Variants in CUX2 observed in about 807,000 individuals in gnomAD.
The protein encoded by CUX2 is cut like homeobox 2.
In CUX2, 40 loss-of-function variants were observed where a neutral mutation model predicts 144.8. The observed-to-expected ratio is 0.28, with a 90% confidence interval of 0.21 to 0.36. The LOEUF is 0.36. CUX2 is among the 10% of genes least tolerant of loss of function. CUX2 has a pLI of 1.00. For missense variants in CUX2, 1,615 were observed against 1,994.0 expected, an observed-to-expected ratio of 0.81 and a Z score of 3.62; for synonymous variants, 827 against 875.6, an observed-to-expected ratio of 0.94 and a Z score of 0.98.
At chr12:111,226,125 G>A (rs944943302) in intron 3 of CUX2, among the ~76,000 whole-genome samples, 1 of 152,208 alleles carries the variant, frequency 6.6e-6, no homozygotes, top group African/African-American at 2.4e-5. Flanking sequence ...TGTATTTTTT[G>A]TAGAGACTTG....
intron 19 of CUX2, among the ~76,000 whole-genome samples, chr12:111,337,701 T>C (rs1401332929): frequency 1.3e-5 from 2 of 152,206 alleles, no homozygotes; most frequent in African/African-American, 4.8e-5. Context: ...TGGCAGACAA[T>C]TTCAGGGATC....
intron 1 of CUX2, among the ~76,000 whole-genome samples, chr12:111,187,503 C>T (rs1879620956): frequency 6.6e-6 from 1 of 152,146 alleles, no homozygotes; most frequent in Non-Finnish European, 1.5e-5. Context: ...TGAGTGTCCT[C>T]CCTCCCCATG....
chr12:111,342,800 C>T (rs903687481), intron 21 of CUX2, among the ~76,000 whole-genome samples: 2 of 151,654 alleles, frequency 1.3e-5, no homozygotes, highest in Non-Finnish European at 2.9e-5. Flanking sequence ...TTCTTTGAAA[C>T]ATACAAAAAT....
chr12:111,193,691 C>T (rs990009239), intron 1 of CUX2, among the ~76,000 whole-genome samples: 5 of 152,158 alleles, frequency 3.3e-5, no homozygotes, highest in Admixed American at 6.5e-5. Flanking sequence ...GTGGGGGCTG[C>T]GGGGGCTGCC....
Position 111,322,705 on chromosome 12 carries a change from C to G in CUX2, c.2926+125C>G, listed in dbSNP as rs1887596789. The stretch of plus-strand genomic sequence containing the variant: ...CCTCCCTGCTGCCCTGGCTTTCATC[C>G]CAGTCACTGTCATGGCTGCACTGGA... On this transcript the variant is annotated intron_variant, in intron 18 of 21. Coordinates refer to ENST00000261726, the MANE Select transcript of CUX2 (RefSeq NM_015267.4). This position sits in a 1 kb window ranked among gnomAD's most constrained non-coding sequence, Gnocchi z 4.2. The G allele has an allele frequency of 8.0e-7, 1 of 1,247,382 alleles. No homozygotes were observed. The highest frequency in any genetic ancestry group is 2.5e-5 in the East Asian group (1 of 39,346). The allele number at this position is 1,247,382 out of a possible 1,614,324, so 77.3% of individuals were successfully genotyped here.
At chr12:111,050,885 T>G (rs1870231243) in intron 1 of CUX2, among the ~76,000 whole-genome samples, 1 of 152,202 alleles carries the variant, frequency 6.6e-6, no homozygotes, top group Non-Finnish European at 1.5e-5. Context: ...AGAGGTTGGT[T>G]AATGGGTACA....
chr12:111,229,549 C>T (rs897250971), intron 3 of CUX2, among the ~76,000 whole-genome samples: 3 of 152,150 alleles, frequency 2.0e-5, no homozygotes, highest in African/African-American at 7.2e-5. Context: ...GTTCTTGTAA[C>T]ATCCACCTTG....
intron 1 of CUX2, among the ~76,000 whole-genome samples, chr12:111,177,312 G>C (rs1297909911): frequency 6.6e-6 from 1 of 152,038 alleles, no homozygotes; most frequent in Non-Finnish European, 1.5e-5. Context: ...TTTCCCCCCT[G>C]CAGCCATCTC....
intron 1 of CUX2, among the ~76,000 whole-genome samples, chr12:111,136,243 C>T (rs916325126): frequency 4.6e-5 from 7 of 151,884 alleles, no homozygotes; most frequent in African/African-American, 2.4e-5. Flanking sequence ...ACGCGATTCT[C>T]GGTAGAATTT....
chr12:111,344,255 A>C (rs893591109), intron 21 of CUX2, among the ~76,000 whole-genome samples: 1 of 152,104 alleles, frequency 6.6e-6, no homozygotes, highest in Non-Finnish European at 1.5e-5. Context: ...AAACATTTCT[A>C]ATGTATGCAT....
intron 3 of CUX2, among the ~76,000 whole-genome samples, chr12:111,220,245 C>A (rs536545207): frequency 6.6e-6 from 1 of 152,090 alleles, no homozygotes; most frequent in Non-Finnish European, 1.5e-5. Flanking sequence ...TATGAGAAGT[C>A]TTGGATATTT....
At chr12:111,093,246 C>A (rs1420194228) in intron 1 of CUX2, among the ~76,000 whole-genome samples, 3 of 152,200 alleles carry the variant, frequency 2.0e-5, no homozygotes, top group African/African-American at 7.2e-5. Context: ...GTTTCCCTAT[C>A]TGGAAAATGA....
At chr12:111,072,325 T>G (rs1871285492) in intron 1 of CUX2, among the ~76,000 whole-genome samples, 1 of 152,270 alleles carries the variant, frequency 6.6e-6, no homozygotes, top group Non-Finnish European at 1.5e-5. Flanking sequence ...ATATAGATCT[T>G]GCACATAGTT....
chr12:111,135,279 G>A, intron 1 of CUX2, among the ~76,000 whole-genome samples: 1 of 152,146 alleles, frequency 6.6e-6, no homozygotes, highest in Non-Finnish European at 1.5e-5. Flanking sequence ...TTTAAATAGA[G>A]TTTCACTGAG....
At chr12:111,291,160 C>T (rs1030099485) in intron 4 of CUX2, among the ~76,000 whole-genome samples, 4 of 152,146 alleles carry the variant, frequency 2.6e-5, no homozygotes, top group African/African-American at 9.7e-5. Context: ...CCACCGCACC[C>T]GGCCTGGCCA....
chr12:111,102,479 C>T (rs564819793), intron 1 of CUX2, among the ~76,000 whole-genome samples: 3 of 152,346 alleles, frequency 2.0e-5, no homozygotes, highest in Non-Finnish European at 4.4e-5. Flanking sequence ...GAGCCTGGCA[C>T]CACACTGTGC....
intron 18 of CUX2, among the ~76,000 whole-genome samples, chr12:111,331,909 A>G (rs952582658): frequency 6.6e-6 from 1 of 151,782 alleles, no homozygotes; most frequent in African/African-American, 2.4e-5. Context: ...GCGAAACCCC[A>G]TCTCTACTAA....
At chr12:111,114,266 TC>T (rs1215160749) in intron 1 of CUX2, among the ~76,000 whole-genome samples, 1 of 152,228 alleles carries the variant, frequency 6.6e-6, no homozygotes, top group Admixed American at 6.5e-5. Context: ...CATTTTTTTT[TC>T]TTTTTCAATT....
At chr12:111,221,230 C>T (rs766487651) in intron 3 of CUX2, among the ~76,000 whole-genome samples, 1 of 152,068 alleles carries the variant, frequency 6.6e-6, no homozygotes, top group African/African-American at 2.4e-5. Flanking sequence ...ATTTTATTCC[C>T]GAAACCCCTG....
Sources: gnomAD v4.1 joint callset for allele counts (sites outside exome capture counted in the v4.1 genomes callset) on GRCh38, gnomAD v4.1.1 for gene constraint, Gnocchi (gnomAD v3.1) non-coding constraint, MANE v1.5 for transcripts, NCBI Gene and HGNC (gene_info 2026-07-23, HGNC 2026-07-21) for gene names.